The following ZFAND3 variants were observed in gnomAD, a reference collection of about 807,000 sequenced individuals.
ZFAND3 encodes the protein AN1-type zinc finger protein 3.
A neutral mutation model predicts 29.6 loss-of-function variants in ZFAND3; 10 were observed. The ratio of observed to expected loss-of-function variants is 0.34; its 90% CI spans 0.21 to 0.57. ZFAND3 has a LOEUF of 0.57. Ranked by LOEUF, ZFAND3 falls within the 20% of genes least tolerant of loss-of-function variation. The pLI is 0.86. For synonymous variants in ZFAND3, 128 were observed against 112.6 expected (o/e 1.14, Z -0.87); for missense variants, 230 against 304.5 (o/e 0.76, Z 1.82).
At chr6:38,116,369 A>T (rs1429163614) in intron 4 of ZFAND3, among the ~76,000 whole-genome samples, 1 of 152,212 alleles carries the variant, frequency 6.6e-6, no homozygotes, top group South Asian at 2.1e-4. Flanking sequence ...GCTCAGGCCT[A>T]GCTTGTTAGA....
intron 3 of ZFAND3, among the ~76,000 whole-genome samples, chr6:38,070,863 C>T (rs73419947): frequency 0.072 from 10,848 of 151,712 alleles, 456 homozygotes; most frequent in Non-Finnish European, 0.087. Flanking sequence ...TTTGTTTCTT[C>T]TTCTTTTTTT....
At chr6:37,977,875 T>TCCTTCCTTC (rs376913321) in intron 2 of ZFAND3, among the ~76,000 whole-genome samples, 4 of 39,154 alleles carry the variant, frequency 1.0e-4, no homozygotes, top group East Asian at 8.5e-4. Flanking sequence ...TTCCTTTCCT[T>TCCTTCCTTC]CTTCCTTCCT....
rs140912847 is a variant in ZFAND3 at position 38,044,778 on chromosome 6, G to A, written c.113-16815G>A. On this transcript the variant is annotated intron_variant, in intron 2 of 5. Coordinates refer to ENST00000287218, the MANE Select transcript of ZFAND3 (RefSeq NM_021943.3). ...ATGGGAGTTTTGGGGCTGTTTGTGC[G>A]GAAGATATTTTTGCGAAGATGCAAA... 3.6e-3 allele frequency among the ~76,000 whole-genome samples: 549 copies of A among 152,240 alleles called. 5 individuals are homozygous for A. The highest frequency in any genetic ancestry group is 3.2e-3 in the Non-Finnish European group (216 of 67,998).
chr6:38,025,565 A>G (rs1763431908), intron 2 of ZFAND3, among the ~76,000 whole-genome samples: 1 of 152,150 alleles, frequency 6.6e-6, no homozygotes, highest in Non-Finnish European at 1.5e-5. Flanking sequence ...GTTATGCTGA[A>G]TTAGTGGTAT....
rs56867018 is a variant in ZFAND3, at chr6:37,835,565, A to G, written c.71+15549A>G. ...TGTATTATTTTAAATCCTTTTTTAA[A>G]AAAATTATAAAATGAGTGTATTTGT... On this transcript the variant is annotated intron_variant, in intron 1 of 5. Coordinates refer to ENST00000287218, the MANE Select transcript of ZFAND3 (RefSeq NM_021943.3). Among the ~76,000 whole-genome samples, 211 of 152,064 alleles carry G rather than the reference A, an allele frequency of 1.4e-3. 1 individual carries two copies. Among genetic ancestry groups the G allele is most frequent in the African/African-American group, 4.2e-3 (174 of 41,506 alleles).
intron 2 of ZFAND3, among the ~76,000 whole-genome samples, chr6:38,006,211 T>C (rs1430165458): frequency 6.6e-6 from 1 of 151,826 alleles, no homozygotes; most frequent in Non-Finnish European, 1.5e-5. Flanking sequence ...GGGGAAGGAG[T>C]TGGGGAAGAA....
chr6:37,819,913 T>TGCC lies in ZFAND3; in HGVS notation c.-25_-23dup, dbSNP rs1030259363. On this transcript the variant is annotated 5_prime_UTR_variant, in exon 1 of 6. Coordinates refer to ENST00000287218, the MANE Select transcript of ZFAND3 (RefSeq NM_021943.3). ...GCCCGGGCCCAGCCGCCGCCACCGC[T>TGCC]GCCGCCGCCGAGCTCCGCCGCCGCC... 35 of 1,196,386 alleles carry TGCC rather than the reference T, an allele frequency of 2.9e-5. No individual in the cohort carries two copies. Among genetic ancestry groups the TGCC allele is most frequent in the Middle Eastern group, 3.3e-4 (1 of 3,006 alleles). The allele number at this position is 1,196,386 out of a possible 1,614,324, so 74.1% of individuals were successfully genotyped here. A position where few individuals can be genotyped will look rare whatever the true frequency, so the allele number is the denominator to read the frequency against.
At chr6:37,979,134 C>T (rs1196062545) in intron 2 of ZFAND3, among the ~76,000 whole-genome samples, 1 of 152,032 alleles carries the variant, frequency 6.6e-6, no homozygotes, top group Admixed American at 6.6e-5. Context: ...AAGGTGGGAA[C>T]TGAGTTTATT....
intron 1 of ZFAND3, among the ~76,000 whole-genome samples, chr6:37,856,437 A>C (rs757981396): frequency 6.6e-6 from 1 of 152,178 alleles, no homozygotes; most frequent in Non-Finnish European, 1.5e-5. Flanking sequence ...TGTTTCTTTC[A>C]GTATTCAGCA....
chr6:37,850,078 G>A (rs143592859), intron 1 of ZFAND3, among the ~76,000 whole-genome samples: 1 of 152,252 alleles, frequency 6.6e-6, no homozygotes, highest in African/African-American at 2.4e-5. Flanking sequence ...ATTCATCCTG[G>A]GCACAGCCCT....
chr6:37,899,036 C>T (rs1765269894), intron 1 of ZFAND3, among the ~76,000 whole-genome samples: 1 of 152,182 alleles, frequency 6.6e-6, no homozygotes, highest in South Asian at 2.1e-4. Context: ...GCCGGTACTA[C>T]AGGCGCCCGC....
intron 5 of ZFAND3, among the ~76,000 whole-genome samples, chr6:38,127,834 A>G (rs1765663584): frequency 6.6e-6 from 1 of 152,184 alleles, no homozygotes; most frequent in Non-Finnish European, 1.5e-5. Context: ...GTTTCTGTCC[A>G]GGGACCCCTC....
chr6:37,839,187 T>TG (rs147259403), intron 1 of ZFAND3, among the ~76,000 whole-genome samples: 1 of 34,614 alleles, frequency 2.9e-5, no homozygotes, highest in Admixed American at 2.0e-4. Context: ...GTAAAATTTC[T>TG]TTTTTTTTTT....
chr6:37,994,375 G>A (rs1393822749), intron 2 of ZFAND3, among the ~76,000 whole-genome samples: 6 of 152,096 alleles, frequency 3.9e-5, no homozygotes, highest in Admixed American at 3.3e-4. Context: ...CCTGTGAATG[G>A]GGATATTTAT....
intron 1 of ZFAND3, among the ~76,000 whole-genome samples, chr6:37,928,889 A>G (rs1761539915): frequency 6.6e-6 from 1 of 152,152 alleles, no homozygotes; most frequent in South Asian, 2.1e-4. Flanking sequence ...TGTTGTGAAC[A>G]AAGGATGTTG....
intron 4 of ZFAND3, among the ~76,000 whole-genome samples, chr6:38,084,051 A>C (rs989415317): frequency 3.3e-5 from 5 of 152,114 alleles, no homozygotes; most frequent in African/African-American, 1.2e-4. Context: ...ATATTTTCTG[A>C]GATAATATTG....
chr6:37,901,738 A>G (rs552997396), intron 1 of ZFAND3, among the ~76,000 whole-genome samples: 171 of 152,336 alleles, frequency 1.1e-3, no homozygotes, highest in African/African-American at 4.0e-3. Flanking sequence ...GAATGAAAGC[A>G]GTGAGGTTGA....
chr6:38,109,158 T>A (rs1346074105), intron 4 of ZFAND3, among the ~76,000 whole-genome samples: 1 of 150,674 alleles, frequency 6.6e-6, no homozygotes, highest in Non-Finnish European at 1.5e-5. Context: ...CCTCTAAAAC[T>A]GTTGGACTTG....
chr6:37,985,499 CCACACA>C (rs5875607), intron 2 of ZFAND3, among the ~76,000 whole-genome samples: 35 of 141,590 alleles, frequency 2.5e-4, no homozygotes, highest in South Asian at 6.6e-4. Flanking sequence ...GCTTGTGGTT[CCACACA>C]CACACACACA....
Sources: gnomAD v4.1 joint callset for allele counts (sites outside exome capture counted in the v4.1 genomes callset) on GRCh38, gnomAD v4.1.1 for gene constraint, MANE v1.5 for transcripts, NCBI Gene and HGNC (gene_info 2026-07-23, HGNC 2026-07-21) for gene names.